Variants in NTN1 observed in about 807,000 individuals in gnomAD.
NTN1 encodes the protein netrin 1.
In NTN1, 11 loss-of-function variants were observed where a neutral mutation model predicts 54.2. That is an observed-to-expected ratio of 0.20 (90% CI 0.13 to 0.34). The LOEUF is 0.34. Ranked by LOEUF, NTN1 falls within the 10% of genes least tolerant of loss-of-function variation. NTN1 has a pLI of 1.00. For missense variants in NTN1, 740 were observed against 893.1 expected (o/e 0.83, Z 2.18); for synonymous variants, 371 against 382.0 (o/e 0.97, Z 0.33).
chr17:9,003,257 C>A, the NTN1 span, among the ~76,000 whole-genome samples: 1 of 151,614 alleles, frequency 6.6e-6, no homozygotes, highest in African/African-American at 2.4e-5. The surrounding 1 kb of genome is among the most constrained non-coding windows in gnomAD (Gnocchi z 7.4). Flanking sequence ...CCCAAGTTTT[C>A]TTGAAGGCCT....
At chr17:9,214,699 G>T (rs1172796740) in intron 5 of NTN1, among the ~76,000 whole-genome samples, 1 of 152,224 alleles carries the variant, frequency 6.6e-6, no homozygotes, top group Non-Finnish European at 1.5e-5. Context: ...GCAGGCGCCT[G>T]TAGTCCCAGC....
At chr17:9,166,815 C>T (rs866295726) in intron 3 of NTN1, among the ~76,000 whole-genome samples, 4 of 152,328 alleles carry the variant, frequency 2.6e-5, no homozygotes, top group Non-Finnish European at 2.9e-5. Flanking sequence ...CTCTTTACCC[C>T]AGACTTTACA....
chr17:9,114,917 C>G (rs985785026), intron 2 of NTN1, among the ~76,000 whole-genome samples: 5 of 152,170 alleles, frequency 3.3e-5, no homozygotes, highest in Admixed American at 6.6e-5. Context: ...TCATGTCTGT[C>G]TTTGGATTGT....
At chr17:9,100,256 G>C (rs117349098) in intron 2 of NTN1, among the ~76,000 whole-genome samples, 3,702 of 151,950 alleles carry the variant, frequency 0.024, 80 homozygotes, top group Non-Finnish European at 0.043. Context: ...TGTGTTATTT[G>C]GTAACCTGCT....
intron 2 of NTN1, among the ~76,000 whole-genome samples, chr17:9,146,677 G>C (rs139615892): frequency 6.6e-6 from 1 of 152,158 alleles, no homozygotes; most frequent in Non-Finnish European, 1.5e-5. Flanking sequence ...AGAGTGAGGC[G>C]GGACAATGTC....
At chr17:9,183,036 T>G in intron 5 of NTN1, 67 bp downstream of exon 5, 2 of 1,494,654 alleles carry the variant, frequency 1.3e-6, no homozygotes, top group Non-Finnish European at 1.9e-6. Context: ...GGTGGGTTAA[T>G]GGGGAAGGGG....
At chr17:9,098,908 C>T (rs974300175) in intron 2 of NTN1, among the ~76,000 whole-genome samples, 21 of 152,142 alleles carry the variant, frequency 1.4e-4, no homozygotes, top group Non-Finnish European at 4.4e-5. Context: ...AAAATAATAA[C>T]CTGAAATCTT....
At chr17:9,154,176 G>A (rs1031567494) in intron 2 of NTN1, among the ~76,000 whole-genome samples, 3 of 152,188 alleles carry the variant, frequency 2.0e-5, no homozygotes, top group African/African-American at 7.2e-5. Context: ...GGTGGACCTG[G>A]GAGTGAGACC....
At position 9,204,084 on chromosome 17, in the gene NTN1, C is replaced by A. The variant is rs375128972; in HGVS notation, c.1412-17084C>A. Among the ~76,000 whole-genome samples the A allele has an allele frequency of 2.4e-4, 36 of 152,200 alleles. No individual in the cohort carries two copies. The East Asian group carries it at 3.5e-3, about 15-fold the overall frequency. ...GAGGCTCAGCTGATGGCAGTCCTGT[C>A]CAGTCCTAGGATCGGTGATGAGGGA... On this transcript the variant is annotated intron_variant, in intron 5 of 6. Transcript: ENST00000173229.
At chr17:9,032,728 G>GC (rs1487350577) in intron 2 of NTN1, among the ~76,000 whole-genome samples, 2 of 152,106 alleles carry the variant, frequency 1.3e-5, no homozygotes, top group African/African-American at 2.4e-5. Context: ...GTTGGACACG[G>GC]CCCCCCCAGC....
At chr17:9,009,065 A>G in the NTN1 span, among the ~76,000 whole-genome samples, 3 of 152,308 alleles carry the variant, frequency 2.0e-5, no homozygotes, top group African/African-American at 7.2e-5. Flanking sequence ...CAAAAACAAA[A>G]CAAAACAAAA....
At chr17:9,020,302 T>G (rs982693923), upstream of NTN1, among the ~76,000 whole-genome samples, 1 of 152,234 alleles carries the variant, frequency 6.6e-6, no homozygotes, top group Admixed American at 6.5e-5. Flanking sequence ...GAGCAGAGAT[T>G]CCGTTCCAAA....
chr17:9,077,071 G>A (rs767904643), intron 2 of NTN1, among the ~76,000 whole-genome samples: 13 of 152,156 alleles, frequency 8.5e-5, no homozygotes, highest in Non-Finnish European at 1.9e-4. Context: ...GATTGGCTGT[G>A]GTCTCATGTC....
chr17:9,066,940 G>A (rs1449604035), intron 2 of NTN1, among the ~76,000 whole-genome samples: 1 of 148,934 alleles, frequency 6.7e-6, no homozygotes, highest in Non-Finnish European at 1.5e-5. Context: ...GGTGGAGGTT[G>A]CAGTGAGCCG....
intron 2 of NTN1, among the ~76,000 whole-genome samples, chr17:9,144,604 G>T (rs2092307890): frequency 6.6e-6 from 1 of 152,212 alleles, no homozygotes; most frequent in South Asian, 2.1e-4. Context: ...TGATAAGAGG[G>T]TGCTTGTAAT....
intron 2 of NTN1, among the ~76,000 whole-genome samples, chr17:9,150,138 G>A (rs888492310): frequency 7.2e-5 from 11 of 152,134 alleles, no homozygotes; most frequent in Non-Finnish European, 1.0e-4. Flanking sequence ...AGGAGGCAGA[G>A]GTTGCAGTGA....
At chr17:9,074,236 C>T (rs1412383554) in intron 2 of NTN1, among the ~76,000 whole-genome samples, 1 of 152,200 alleles carries the variant, frequency 6.6e-6, no homozygotes, top group Non-Finnish European at 1.5e-5. Flanking sequence ...CGTGTAAGCT[C>T]AGCAACTGCA....
intron 5 of NTN1, among the ~76,000 whole-genome samples, chr17:9,191,444 G>T (rs1044558974): frequency 6.6e-6 from 1 of 152,210 alleles, no homozygotes; most frequent in Admixed American, 6.5e-5. Flanking sequence ...TGGGCAACAA[G>T]AGCAAAACTC....
chr17:9,003,910 AT>A, the NTN1 span, among the ~76,000 whole-genome samples: 2 of 151,972 alleles, frequency 1.3e-5, no homozygotes, highest in Non-Finnish European at 1.5e-5. The surrounding 1 kb of genome is among the most constrained non-coding windows in gnomAD (Gnocchi z 7.4). Flanking sequence ...TCCTCTGGCC[AT>A]TTCCATACAG....
Sources: gnomAD v4.1 joint callset for allele counts (sites outside exome capture counted in the v4.1 genomes callset) on GRCh38, gnomAD v4.1.1 for gene constraint, Gnocchi (gnomAD v3.1) non-coding constraint, MANE v1.5 for transcripts, NCBI Gene and HGNC (gene_info 2026-07-23, HGNC 2026-07-21) for gene names.